POLR3B: variants seen among roughly 807,000 people sequenced by gnomAD.
POLR3B encodes the protein DNA-directed RNA polymerase III subunit RPC2.
Under a neutral mutation model 147.4 loss-of-function variants are expected in POLR3B, and 96 were observed. That is an observed-to-expected ratio of 0.65 (90% CI 0.55 to 0.77). POLR3B has a LOEUF of 0.77. Among genes scored for constraint, POLR3B ranks in the 30% least tolerant of loss-of-function variants. POLR3B has a pLI of 0.00. For missense variants in POLR3B, 1,036 were observed against 1,413.5 expected, an observed-to-expected ratio of 0.73 and a Z score of 4.28; for synonymous variants, 461 against 485.9, an observed-to-expected ratio of 0.95 and a Z score of 0.67.
intron 21 of POLR3B, 55 bp downstream of exon 21, chr12:106,457,351 C>A (rs2037878604): frequency 2.1e-6 from 3 of 1,426,356 alleles, no homozygotes. Context: ...ATATGTTATT[C>A]AATAATATTT....
chr12:106,379,582 T>C (rs1272642665), intron 8 of POLR3B, among the ~76,000 whole-genome samples: 1 of 152,236 alleles, frequency 6.6e-6, no homozygotes, highest in East Asian at 1.9e-4. Context: ...TATTCCTTTC[T>C]TTTGGCTTTA....
intron 10 of POLR3B, among the ~76,000 whole-genome samples, chr12:106,399,664 G>A (rs1006384966): frequency 3.9e-5 from 6 of 152,174 alleles, no homozygotes; most frequent in Non-Finnish European, 8.8e-5. Context: ...GAGAGTGGGG[G>A]CCAATATTCA....
chr12:106,358,231 G>C, intron 1 of POLR3B: 1 of 1,385,936 alleles, frequency 7.2e-7, no homozygotes, highest in Non-Finnish European at 9.4e-7. Context: ...AGGTGTGCGT[G>C]GGGAGGACTG....
intron 12 of POLR3B, among the ~76,000 whole-genome samples, chr12:106,426,975 G>A (rs561070909): frequency 6.6e-6 from 1 of 151,586 alleles, no homozygotes; most frequent in East Asian, 1.9e-4. Flanking sequence ...AATGCAGTGA[G>A]TATGTCATCA....
chr12:106,406,774 G>A (rs2037157411), intron 11 of POLR3B, among the ~76,000 whole-genome samples: 1 of 152,136 alleles, frequency 6.6e-6, no homozygotes, highest in Non-Finnish European at 1.5e-5. Context: ...TTGGCAAGAG[G>A]CAGCCCTCAA....
intron 9 of POLR3B, among the ~76,000 whole-genome samples, chr12:106,391,389 C>T (rs2036912260): frequency 6.6e-6 from 1 of 152,116 alleles, no homozygotes; most frequent in South Asian, 2.1e-4. Flanking sequence ...AGGCATTGAG[C>T]TTAGCCTGCA....
intron 18 of POLR3B, among the ~76,000 whole-genome samples, chr12:106,442,675 C>T (rs1221128879): frequency 6.7e-6 from 1 of 150,344 alleles, no homozygotes; most frequent in Non-Finnish European, 1.5e-5. Flanking sequence ...GATCTTTTAC[C>T]AGGTACATTC....
chr12:106,441,726 T>C (rs2137013849), intron 18 of POLR3B, among the ~76,000 whole-genome samples: 1 of 152,340 alleles, frequency 6.6e-6, no homozygotes, highest in South Asian at 2.1e-4. Flanking sequence ...TTTCTACTGT[T>C]ATAAACAACA....
At chr12:106,376,280 A>C in intron 6 of POLR3B, 79 bp from the exon 7 acceptor site, 1 of 896,288 alleles carries the variant, frequency 1.1e-6, no homozygotes, top group Non-Finnish European at 1.9e-6. Flanking sequence ...GGTGGTGTGC[A>C]CTGCATGTTT....
At chr12:106,426,854 C>CA (rs2037446016) in intron 12 of POLR3B, among the ~76,000 whole-genome samples, 1 of 56,768 alleles carries the variant, frequency 1.8e-5, no homozygotes, top group African/African-American at 5.3e-5. Flanking sequence ...CCCCCCCCCC[C>CA]CCGTCCTTTT....
intron 6 of POLR3B, among the ~76,000 whole-genome samples, chr12:106,375,794 T>C (rs1454779118): frequency 6.6e-6 from 1 of 152,238 alleles, no homozygotes; most frequent in African/African-American, 2.4e-5. Context: ...GAAGTGTTGC[T>C]GTCATTTCTG....
At chr12:106,364,659 A>G (rs909375111) in intron 2 of POLR3B, among the ~76,000 whole-genome samples, 1 of 152,270 alleles carries the variant, frequency 6.6e-6, no homozygotes, top group South Asian at 2.1e-4. Context: ...ACAAATGCTC[A>G]TAGCAGTATT....
At chr12:106,377,513 A>G (rs891190441) in intron 7 of POLR3B, among the ~76,000 whole-genome samples, 2 of 152,250 alleles carry the variant, frequency 1.3e-5, no homozygotes, top group African/African-American at 4.8e-5. Flanking sequence ...ATGATGATGC[A>G]TGAGTTTTTT....
chr12:106,479,961 C>T lies in POLR3B; in HGVS notation c.2714-16094C>T, dbSNP rs893301809. Among the ~76,000 whole-genome samples the T allele has an allele frequency of 2.6e-5, 4 of 151,340 alleles. No homozygotes were observed. The South Asian group carries it at 8.4e-4, about 32-fold the overall frequency. Reference sequence around the variant, plus strand: ...CCTGAGTAGCTGCACTACAGGCATGCACCACCATGCCTGGCTAATTTTTGT... The same window carrying T: ...CCTGAGTAGCTGCACTACAGGCATGTACCACCATGCCTGGCTAATTTTTGT... On this transcript the variant is annotated intron_variant, in intron 23 of 27. Coordinates refer to ENST00000228347, the MANE Select transcript of POLR3B (RefSeq NM_018082.6).
At position 106,382,455 on chromosome 12, in the gene POLR3B, C is replaced by G. The variant is rs186861562; in HGVS notation, c.723+2316C>G. Among the ~76,000 whole-genome samples, 161 of 152,248 alleles carry G rather than the reference C, an allele frequency of 1.1e-3. 4 individuals carry two copies. The East Asian group carries it at 0.017, about 16-fold the overall frequency. The stretch of plus-strand genomic sequence containing the variant: ...GGTTTCCAGTTTATTTTGTCCAGAT[C>G]CATCAAAGGAATCACTATCATGGCA... On this transcript the variant is annotated intron_variant, in intron 9 of 27. Transcript: ENST00000228347.
chr12:106,377,317 C>T (rs916528086), intron 7 of POLR3B, among the ~76,000 whole-genome samples: 3 of 152,088 alleles, frequency 2.0e-5, no homozygotes, highest in Non-Finnish European at 4.4e-5. Flanking sequence ...TAATCTTATT[C>T]CTGTAAAGTT....
At chr12:106,370,584 A>C (rs777955814) in intron 6 of POLR3B, among the ~76,000 whole-genome samples, 1 of 148,612 alleles carries the variant, frequency 6.7e-6, no homozygotes, top group Non-Finnish European at 1.5e-5. Context: ...TAAAATGTTC[A>C]TCTTGGTTTT....
intron 19 of POLR3B, among the ~76,000 whole-genome samples, chr12:106,445,852 A>G (rs1295071304): frequency 1.3e-5 from 2 of 152,194 alleles, no homozygotes; most frequent in African/African-American, 2.4e-5. Context: ...AACTGACCAT[A>G]GCTTGGCAAT....
intron 9 of POLR3B, among the ~76,000 whole-genome samples, chr12:106,392,320 A>G (rs1453380180): frequency 6.6e-6 from 1 of 151,948 alleles, no homozygotes; most frequent in Admixed American, 6.6e-5. Flanking sequence ...ATGCCAACAC[A>G]TCTGGCTAAT....
Sources: allele counts gnomAD v4.1 joint callset (sites outside exome capture counted in the v4.1 genomes callset), GRCh38; gene constraint gnomAD v4.1.1; transcripts MANE v1.5; gene names NCBI Gene and HGNC (gene_info 2026-07-23, HGNC 2026-07-21).